Variants in COX7B2 observed in about 807,000 individuals in gnomAD.
The protein encoded by COX7B2 is cytochrome c oxidase subunit 7B2.
For synonymous variants in COX7B2, 37 were observed against 32.1 expected (o/e 1.15, Z -0.51); for missense variants, 109 against 95.9 (o/e 1.14, Z -0.57).
chr4:46,821,465 T>C (rs115929419), intron 2 of COX7B2, among the ~76,000 whole-genome samples: 156 of 152,330 alleles, frequency 1.0e-3, no homozygotes, highest in African/African-American at 3.6e-3. Flanking sequence ...CAAAGAATGT[T>C]TAATCCTATG....
Position 46,750,212 on chromosome 4 carries a change from A to G in COX7B2, c.-49-14971T>C, listed in dbSNP as rs1308978773. Among the ~76,000 whole-genome samples the G allele has an allele frequency of 4.7e-5, 7 of 149,510 alleles. No individual in the cohort carries two copies. In the South Asian group the frequency reaches 1.5e-3, roughly 32 times the overall value. On this transcript the variant is annotated intron_variant, in intron 2 of 2. Transcript: ENST00000355591. ...CCCATCTCTACACACACACACACAC[A>G]CACACACACACACACACACACACAC...
intron 1 of COX7B2, among the ~76,000 whole-genome samples, chr4:46,877,873 GCTGGGTATATAC>G (rs889019938): frequency 2.6e-5 from 4 of 152,054 alleles, no homozygotes; most frequent in Non-Finnish European, 4.4e-5. Context: ...CAATATCTCT[GCTGGGTATATAC>G]CTAAAGGAAA....
chr4:46,866,385 C>T (rs1465849128), intron 1 of COX7B2, among the ~76,000 whole-genome samples: 1 of 152,126 alleles, frequency 6.6e-6, no homozygotes, highest in Admixed American at 6.5e-5. Context: ...GGAAAGAAAT[C>T]CGACCCTGCA....
chr4:46,757,422 A>G (rs551465909), intron 2 of COX7B2, among the ~76,000 whole-genome samples: 2 of 152,256 alleles, frequency 1.3e-5, no homozygotes, highest in East Asian at 3.9e-4. Flanking sequence ...CAACATATGC[A>G]TGTAAGAAAC....
intron 1 of COX7B2, among the ~76,000 whole-genome samples, chr4:46,852,995 A>C (rs1716785946): frequency 6.6e-6 from 1 of 152,206 alleles, no homozygotes; most frequent in Non-Finnish European, 1.5e-5. Flanking sequence ...TCCTTTAGGC[A>C]TACATTATAG....
At chr4:46,752,286 T>C (rs1164148445) in intron 2 of COX7B2, among the ~76,000 whole-genome samples, 1 of 151,548 alleles carries the variant, frequency 6.6e-6, no homozygotes, top group East Asian at 1.9e-4. Flanking sequence ...GAGACTTTGC[T>C]GAAGTTGCTT....
chr4:46,776,268 A>G (rs1431799994), intron 2 of COX7B2, among the ~76,000 whole-genome samples: 1 of 152,142 alleles, frequency 6.6e-6, no homozygotes, highest in Non-Finnish European at 1.5e-5. Context: ...CAGCAAAATA[A>G]TAATGATGGC....
At chr4:46,898,350 C>T (rs1284719513) in intron 1 of COX7B2, among the ~76,000 whole-genome samples, 1 of 152,112 alleles carries the variant, frequency 6.6e-6, no homozygotes, top group African/African-American at 2.4e-5. Context: ...ATGCTCTTAT[C>T]ATTTACTCTT....
intron 2 of COX7B2, among the ~76,000 whole-genome samples, chr4:46,790,056 C>T (rs190797242): frequency 6.6e-6 from 1 of 151,248 alleles, no homozygotes; most frequent in East Asian, 1.9e-4. Context: ...ATCTTGAAAT[C>T]AAATATACTT....
At chr4:46,775,634 C>T (rs1717114882) in intron 2 of COX7B2, among the ~76,000 whole-genome samples, 1 of 151,938 alleles carries the variant, frequency 6.6e-6, no homozygotes, top group Non-Finnish European at 1.5e-5. Flanking sequence ...CAATATAAAA[C>T]CTATTACAGC....
At chr4:46,806,616 C>T (rs1380483610) in intron 2 of COX7B2, among the ~76,000 whole-genome samples, 3 of 152,052 alleles carry the variant, frequency 2.0e-5, no homozygotes, top group African/African-American at 7.2e-5. Context: ...CATTATGCTG[C>T]ACATTAGATA....
intron 1 of COX7B2, among the ~76,000 whole-genome samples, chr4:46,853,727 G>A (rs1170330927): frequency 6.6e-6 from 1 of 151,954 alleles, no homozygotes; most frequent in Admixed American, 6.6e-5. Context: ...TGTTTATTAA[G>A]TGAATATATA....
At chr4:46,844,364 G>T (rs1716128723) in intron 2 of COX7B2, among the ~76,000 whole-genome samples, 1 of 151,944 alleles carries the variant, frequency 6.6e-6, no homozygotes, top group Admixed American at 6.6e-5. Context: ...ATAAGGACAA[G>T]AAAAATATTA....
chr4:46,869,498 T>C (rs546105215), intron 1 of COX7B2, among the ~76,000 whole-genome samples: 6 of 152,142 alleles, frequency 3.9e-5, no homozygotes, highest in Non-Finnish European at 7.4e-5. Context: ...CTTTTTGTAA[T>C]AGCTCATGTG....
At chr4:46,762,576 A>G (rs539755042) in intron 2 of COX7B2, among the ~76,000 whole-genome samples, 1 of 148,448 alleles carries the variant, frequency 6.7e-6, no homozygotes, top group East Asian at 2.0e-4. Flanking sequence ...AATTTTAGAT[A>G]TGCTGCTTTC....
chr4:46,862,786 C>A (rs1365399366), intron 1 of COX7B2, among the ~76,000 whole-genome samples: 2 of 152,008 alleles, frequency 1.3e-5, no homozygotes, highest in African/African-American at 4.8e-5. Flanking sequence ...ACTAGATTTG[C>A]CTAGTAGCAC....
At chr4:46,749,079 A>G (rs928169945) in intron 2 of COX7B2, among the ~76,000 whole-genome samples, 1 of 152,124 alleles carries the variant, frequency 6.6e-6, no homozygotes, top group African/African-American at 2.4e-5. Context: ...ATCCTTATCA[A>G]TGTTTCATCC....
At chr4:46,769,082 T>C (rs186497180) in intron 2 of COX7B2, among the ~76,000 whole-genome samples, 1 of 152,182 alleles carries the variant, frequency 6.6e-6, no homozygotes, top group East Asian at 1.9e-4. Flanking sequence ...ATCACTTTAC[T>C]GGTAAATTCT....
chr4:46,815,239 T>C (rs1455334933), intron 2 of COX7B2, among the ~76,000 whole-genome samples: 1 of 151,856 alleles, frequency 6.6e-6, no homozygotes, highest in Non-Finnish European at 1.5e-5. Context: ...AGACAGCAAG[T>C]AATAATCATC....
Sources: gnomAD v4.1 joint callset for allele counts (sites outside exome capture counted in the v4.1 genomes callset) on GRCh38, gnomAD v4.1.1 for gene constraint, MANE v1.5 for transcripts, NCBI Gene and HGNC (gene_info 2026-07-23, HGNC 2026-07-21) for gene names.